PLIN3: variants seen among roughly 807,000 people sequenced by gnomAD.
PLIN3 encodes perilipin-3.
In PLIN3, 30 loss-of-function variants were observed where a neutral mutation model predicts 35.9. That is an observed-to-expected ratio of 0.84 (90% CI 0.62 to 1.13). The LOEUF is 1.13. Among genes scored for constraint, PLIN3 ranks in the 50% most tolerant of loss-of-function variants. PLIN3 has a pLI of 0.00. For missense variants in PLIN3, 603 were observed against 596.9 expected, an observed-to-expected ratio of 1.01 and a Z score of -0.11; for synonymous variants, 261 against 262.5, an observed-to-expected ratio of 0.99 and a Z score of 0.06.
chr19:4,864,569 G>A (rs985464159), intron 1 of PLIN3, among the ~76,000 whole-genome samples: 5 of 151,604 alleles, frequency 3.3e-5, no homozygotes, highest in African/African-American at 1.2e-4. Context: ...TGCCCACCTT[G>A]GCCTCCCAAA....
chr19:4,858,826 C>T (rs1295117711), intron 4 of PLIN3, among the ~76,000 whole-genome samples: 1 of 151,518 alleles, frequency 6.6e-6, no homozygotes, highest in Admixed American at 6.6e-5. Flanking sequence ...CTCAGCCTCC[C>T]GAGTAGCTGG....
At chr19:4,842,688 G>A (rs1039914625) in intron 7 of PLIN3, among the ~76,000 whole-genome samples, 4 of 151,420 alleles carry the variant, frequency 2.6e-5, no homozygotes, top group African/African-American at 7.3e-5. Flanking sequence ...GGACTTGAGC[G>A]AGGGATTACG....
intron 6 of PLIN3, among the ~76,000 whole-genome samples, chr19:4,846,613 C>T (rs968785601): frequency 6.6e-6 from 1 of 151,826 alleles, no homozygotes; most frequent in African/African-American, 2.4e-5. Context: ...GCCCAAGAAT[C>T]ACTTGAACCC....
chr19:4,854,124 G>A (rs1237111743), intron 4 of PLIN3, among the ~76,000 whole-genome samples: 2 of 151,826 alleles, frequency 1.3e-5, no homozygotes, highest in African/African-American at 4.8e-5. Context: ...GTAGAGACAA[G>A]GACTCTCCAT....
In PLIN3 at chr19:4,847,678, C is replaced by G. The variant is rs1568375018; in HGVS notation, c.834+13G>C. 5 of 1,583,470 alleles carry G rather than the reference C, an allele frequency of 3.2e-6. No individual in the cohort carries two copies. Among genetic ancestry groups the G allele is most frequent in the Admixed American group, 3.6e-5 (2 of 55,422 alleles). On this transcript the variant is annotated intron_variant, in intron 6 of 7. Transcript: ENST00000221957. ...GGCTGCTGGCTCAGGGCCCCGACCC[C>G]CTGGAACCTCACCAGGCTTAGGACC...
intron 7 of PLIN3, among the ~76,000 whole-genome samples, chr19:4,842,090 A>T (rs982708033): frequency 2.0e-5 from 3 of 151,708 alleles, no homozygotes; most frequent in African/African-American, 7.3e-5. Context: ...ACAGGGTTCG[A>T]GACCAGCCTG....
At chr19:4,854,902 C>A (rs544006587) in intron 4 of PLIN3, among the ~76,000 whole-genome samples, 1 of 151,970 alleles carries the variant, frequency 6.6e-6, no homozygotes, top group South Asian at 2.1e-4. Context: ...ATCGCTTGGG[C>A]CCAGAAGTGT....
At position 4,861,328 on chromosome 19, in the gene PLIN3, C is replaced by T. The variant is rs371005726; in HGVS notation, c.66+1G>A. Reference sequence around the variant, plus strand: ...AGTCCCTGGTCCCGGCCCTTCCTCACCTGCTGTACCGGTTCTTCCACTGTC... The same window carrying T: ...AGTCCCTGGTCCCGGCCCTTCCTCATCTGCTGTACCGGTTCTTCCACTGTC... On this transcript the variant is annotated splice_donor_variant, in intron 2 of 7. Transcript: ENST00000221957. LOFTEE classifies it high-confidence loss of function. 1.7e-5 allele frequency: 28 copies of T among 1,613,388 alleles called. No homozygotes were observed. The highest frequency in any genetic ancestry group is 2.3e-5 in the Non-Finnish European group (27 of 1,179,618).
At chr19:4,854,310 C>G (rs986553733) in intron 4 of PLIN3, among the ~76,000 whole-genome samples, 1 of 152,128 alleles carries the variant, frequency 6.6e-6, no homozygotes, top group Non-Finnish European at 1.5e-5. Context: ...CATTCCTACC[C>G]AAGTTGGTGC....
intron 4 of PLIN3, among the ~76,000 whole-genome samples, chr19:4,853,304 T>A (rs1015040218): frequency 6.6e-6 from 1 of 151,708 alleles, no homozygotes; most frequent in Non-Finnish European, 1.5e-5. Flanking sequence ...CTCGTGGCTA[T>A]TTTTTATCTT....
chr19:4,867,027 G>C (rs1047809554), intron 1 of PLIN3: 1 of 152,298 alleles, frequency 6.6e-6, no homozygotes, highest in Non-Finnish European at 1.5e-5. Flanking sequence ...AGCAGTTAAC[G>C]GATAGGCCTT....
In PLIN3 at chr19:4,852,038, C is replaced by CA. The variant is rs1485277238; in HGVS notation, c.611dup (p.Pro205AlafsTer18). 1 of 1,613,702 alleles carries CA rather than the reference C, an allele frequency of 6.2e-7. No homozygotes were observed. Among genetic ancestry groups the CA allele is most frequent in the African/African-American group, 1.3e-5 (1 of 74,880 alleles). On this transcript the variant is annotated frameshift_variant, in exon 5 of 8. Transcript: ENST00000221957. LOFTEE classifies it high-confidence loss of function. The stretch of plus-strand genomic sequence containing the variant: ...TACCCAGTTCGGCATCCGTAAGGGG[C>CA]AGGTGGTTGTCCGCCCACTCCTCCG...
chr19:4,845,691 G>A lies in PLIN3; in HGVS notation c.835-898C>T, dbSNP rs554073302. 9.2e-5 allele frequency among the ~76,000 whole-genome samples: 14 copies of A among 152,178 alleles called. No individual in the cohort carries two copies. The South Asian group carries it at 2.7e-3, about 29-fold the overall frequency. ...TGTAATCCCAGCACTTTGGGAGGCC[G>A]AGGCGGGTGGATCACGAGGTGAGGA... On this transcript the variant is annotated intron_variant, in intron 6 of 7. Transcript: ENST00000221957.
intron 7 of PLIN3, among the ~76,000 whole-genome samples, chr19:4,842,443 A>C (rs1009959856): frequency 6.6e-6 from 1 of 151,212 alleles, no homozygotes; most frequent in Non-Finnish European, 1.5e-5. Flanking sequence ...ATAAATAAAT[A>C]AATCAAATTA....
chr19:4,857,812 C>T (rs2030522877), intron 4 of PLIN3, among the ~76,000 whole-genome samples: 1 of 151,678 alleles, frequency 6.6e-6, no homozygotes, highest in African/African-American at 2.4e-5. Context: ...CCCATCTCTA[C>T]TAAAAATACA....
intron 7 of PLIN3, among the ~76,000 whole-genome samples, chr19:4,842,153 G>A (rs112562171): frequency 0.058 from 8,864 of 151,816 alleles, 333 homozygotes; most frequent in Middle Eastern, 0.12. Context: ...TAGGCCGGGC[G>A]CAGTGGGTCA....
intron 4 of PLIN3, among the ~76,000 whole-genome samples, chr19:4,855,676 G>A (rs1051612005): frequency 1.3e-5 from 2 of 152,058 alleles, no homozygotes; most frequent in Non-Finnish European, 2.9e-5. Context: ...CCAAAGTGCT[G>A]GGATTACAGG....
chr19:4,864,774 A>G (rs2030795616), intron 1 of PLIN3, among the ~76,000 whole-genome samples: 1 of 152,142 alleles, frequency 6.6e-6, no homozygotes, highest in South Asian at 2.1e-4. Flanking sequence ...AGTGAAATGA[A>G]GCTGGGACAC....
At position 4,851,972 on chromosome 19, in the gene PLIN3, G is replaced by A. The variant is rs755693270; in HGVS notation, c.634+44C>T. 2.5e-6 allele frequency: 4 copies of A among 1,581,838 alleles called. No individual in the cohort carries two copies. In the South Asian group the frequency reaches 4.5e-5, roughly 18 times the overall value. On this transcript the variant is annotated intron_variant, in intron 5 of 7. Coordinates refer to ENST00000221957, the MANE Select transcript of PLIN3 (RefSeq NM_005817.5). ...AGGCCGACAGCGGCTTCCGGTCAGG[G>A]GGCCTGGGGAGGGGTCCCAGAGCAG... is the stretch of plus-strand genomic sequence containing the variant.
Sources: gnomAD v4.1 joint callset for allele counts (sites outside exome capture counted in the v4.1 genomes callset) on GRCh38, gnomAD v4.1.1 for gene constraint, MANE v1.5 for transcripts, NCBI Gene and HGNC (gene_info 2026-07-23, HGNC 2026-07-21) for gene names.